The following ARMH3 variants were observed in gnomAD, a reference collection of about 807,000 sequenced individuals.
The protein encoded by ARMH3 is armadillo-like helical domain-containing protein 3.
ARMH3 carries 60 observed loss-of-function variants against 99.1 expected under a neutral mutation model. The observed-to-expected ratio is 0.61, with a 90% CI of 0.49 to 0.75. The LOEUF is 0.75. ARMH3 is among the 30% of genes least tolerant of loss of function. The pLI is 0.00. For synonymous variants in ARMH3, 285 were observed against 292.8 expected (o/e 0.97, Z 0.27); for missense variants, 679 against 843.1 (o/e 0.81, Z 2.41).
chr10:101,898,856 A>T (rs2067907252), intron 23 of ARMH3, among the ~76,000 whole-genome samples: 1 of 152,242 alleles, frequency 6.6e-6, no homozygotes, highest in Non-Finnish European at 1.5e-5. Context: ...TAAGAGCTGT[A>T]GCCCTGTATT....
At position 102,029,347 on chromosome 10, in the gene ARMH3, T is replaced by G. The variant is rs2067071289; in HGVS notation, c.414+291A>C. The stretch of plus-strand genomic sequence containing the variant: ...CCCTTGTATGTTGTTATATTTTATT[T>G]AAATTCATAAATGTTCTTAAGAATG... On this transcript the variant is annotated intron_variant, in intron 5 of 25. Coordinates refer to ENST00000370033, the MANE Select transcript of ARMH3 (RefSeq NM_024541.3). The G allele has an allele frequency of 7.2e-6, 8 of 1,108,938 alleles. No homozygotes were observed. The South Asian group carries it at 1.4e-4, about 19-fold the overall frequency. The allele number at this position is 1,108,938 out of a possible 1,614,324, so 68.7% of individuals were successfully genotyped here.
chr10:101,910,405 T>A (rs1258056979), intron 23 of ARMH3, among the ~76,000 whole-genome samples: 1 of 152,194 alleles, frequency 6.6e-6, no homozygotes, highest in Admixed American at 6.5e-5. Flanking sequence ...ATTTACCATA[T>A]ACACTCTGAA....
At chr10:102,029,614 G>A (rs1293007642) in intron 5 of ARMH3, 24 bp downstream of exon 5, 1 of 1,614,186 alleles carries the variant, frequency 6.2e-7, no homozygotes, top group Non-Finnish European at 8.5e-7. Context: ...CCATCCACAG[G>A]CACATCTGCA....
intron 23 of ARMH3, among the ~76,000 whole-genome samples, chr10:101,936,549 C>T (rs1384451750): frequency 6.7e-6 from 1 of 148,178 alleles, no homozygotes; most frequent in African/African-American, 2.5e-5. Context: ...TTAGGAAACA[C>T]TCTGAGGAAG....
intron 23 of ARMH3, among the ~76,000 whole-genome samples, chr10:101,928,954 C>T (rs1843617008): frequency 6.6e-6 from 1 of 152,202 alleles, no homozygotes; most frequent in African/African-American, 2.4e-5. Flanking sequence ...TGGTCTCAAA[C>T]TCCTGACCTC....
At chr10:102,015,197 C>G (rs1436360494) in intron 8 of ARMH3, among the ~76,000 whole-genome samples, 1 of 152,082 alleles carries the variant, frequency 6.6e-6, no homozygotes, top group Non-Finnish European at 1.5e-5. Flanking sequence ...AACCAACAGT[C>G]AAATTCTGCT....
At chr10:102,000,435 ATGG>A (rs1448153093) in intron 15 of ARMH3, among the ~76,000 whole-genome samples, 1 of 151,874 alleles carries the variant, frequency 6.6e-6, no homozygotes, top group Non-Finnish European at 1.5e-5. Context: ...TTAGTGTTTA[ATGG>A]GTATAGAGTT....
chr10:101,868,716 T>C (rs2067063382), intron 24 of ARMH3, among the ~76,000 whole-genome samples: 1 of 152,216 alleles, frequency 6.6e-6, no homozygotes, highest in African/African-American at 2.4e-5. Context: ...CTAACTTTAT[T>C]GTAAGAGTAC....
At chr10:101,877,803 C>G (rs2067306501) in intron 24 of ARMH3, among the ~76,000 whole-genome samples, 1 of 152,150 alleles carries the variant, frequency 6.6e-6, no homozygotes, top group South Asian at 2.1e-4. Context: ...AAAATTCATA[C>G]CTAATTGGAG....
At chr10:101,966,064 T>C (rs1845518841) in intron 20 of ARMH3, among the ~76,000 whole-genome samples, 1 of 151,810 alleles carries the variant, frequency 6.6e-6, no homozygotes, top group Non-Finnish European at 1.5e-5. Flanking sequence ...TTCCTAGAGA[T>C]AGAAGCAGAC....
chr10:102,040,153 T>C lies in ARMH3; in HGVS notation c.-11-28A>G, dbSNP rs747900453. 6.0e-5 allele frequency: 93 copies of C among 1,550,838 alleles called. 1 individual carries two copies. Among genetic ancestry groups the C allele is most frequent in the Non-Finnish European group, 7.9e-5 (89 of 1,122,600 alleles). On this transcript the variant is annotated intron_variant, in intron 1 of 25. Transcript: ENST00000370033. ...GTGAACAGAAAGTCACATTTTAGAA[T>C]AGTGAAAATACTCAGTATGATACTA...
intron 24 of ARMH3, among the ~76,000 whole-genome samples, chr10:101,882,737 T>C (rs1309460982): frequency 6.6e-6 from 1 of 152,178 alleles, no homozygotes; most frequent in African/African-American, 2.4e-5. Flanking sequence ...GACCTCGTGA[T>C]CTGCCCGCCT....
chr10:101,898,639 T>C (rs1430371815), intron 23 of ARMH3, among the ~76,000 whole-genome samples: 1 of 152,218 alleles, frequency 6.6e-6, no homozygotes, highest in African/African-American at 2.4e-5. Flanking sequence ...GTAACTCTCA[T>C]TCCAAGGAAG....
At chr10:101,890,404 C>T (rs866273851) in intron 23 of ARMH3, among the ~76,000 whole-genome samples, 16 of 151,610 alleles carry the variant, frequency 1.1e-4, no homozygotes, top group African/African-American at 3.6e-4. Context: ...CCAGCATGCC[C>T]GGCTAATTAT....
chr10:101,859,380 A>T (rs11191133), intron 24 of ARMH3, among the ~76,000 whole-genome samples: 2 of 152,366 alleles, frequency 1.3e-5, no homozygotes, highest in East Asian at 3.9e-4. Flanking sequence ...TAGCTTGGAC[A>T]TATCTGTGAC....
intron 1 of ARMH3, among the ~76,000 whole-genome samples, chr10:102,045,155 A>C (rs1013962149): frequency 1.3e-5 from 2 of 150,278 alleles, no homozygotes; most frequent in African/African-American, 4.9e-5. Context: ...AAAAAGAGCG[A>C]AACAAAAGTA....
intron 19 of ARMH3, among the ~76,000 whole-genome samples, chr10:101,979,875 A>C (rs1022697671): frequency 2.0e-5 from 3 of 152,236 alleles, no homozygotes; most frequent in Non-Finnish European, 4.4e-5. Flanking sequence ...CAAATTCAAC[A>C]TTCAATTAAC....
At chr10:101,885,840 G>A (rs1457011814) in intron 24 of ARMH3, among the ~76,000 whole-genome samples, 1 of 152,102 alleles carries the variant, frequency 6.6e-6, no homozygotes, top group Non-Finnish European at 1.5e-5. Context: ...GATCACCTGA[G>A]GTCAGGAGTT....
At chr10:102,025,821 TTC>T (rs2066988185) in intron 5 of ARMH3, among the ~76,000 whole-genome samples, 2 of 152,130 alleles carry the variant, frequency 1.3e-5, no homozygotes, top group African/African-American at 4.8e-5. Context: ...AGGTTTTTTT[TTC>T]TTTTTCTTTA....
Sources: gnomAD v4.1 joint callset for allele counts (sites outside exome capture counted in the v4.1 genomes callset) on GRCh38, gnomAD v4.1.1 for gene constraint, MANE v1.5 for transcripts, NCBI Gene and HGNC (gene_info 2026-07-23, HGNC 2026-07-21) for gene names.